SLC25A37: variants seen among roughly 807,000 people sequenced by gnomAD.
SLC25A37 encodes solute carrier family 25 member 37.
A neutral mutation model predicts 31.0 loss-of-function variants in SLC25A37; 17 were observed. The observed-to-expected ratio is 0.55, with a 90% CI of 0.38 to 0.82. The LOEUF (loss-of-function observed/expected upper bound fraction) is 0.82. Among genes scored for constraint, SLC25A37 ranks in the 40% least tolerant of loss-of-function variants. The pLI is 0.00. For missense variants in SLC25A37, 404 were observed against 465.8 expected, an observed-to-expected ratio of 0.87 and a Z score of 1.22; for synonymous variants, 222 against 193.0, an observed-to-expected ratio of 1.15 and a Z score of -1.24.
At chr8:23,555,940 A>G (rs1263519052) in intron 1 of SLC25A37, among the ~76,000 whole-genome samples, 1 of 152,256 alleles carries the variant, frequency 6.6e-6, no homozygotes, top group African/African-American at 2.4e-5. Flanking sequence ...GTTTTCCACC[A>G]GGTCTCAACT....
chr8:23,543,073 T>A (rs1056181749), intron 1 of SLC25A37: 2 of 124,926 alleles, frequency 1.6e-5, no homozygotes, highest in African/African-American at 3.7e-5. Flanking sequence ...TAATTTTATT[T>A]ATTTTTTTTT....
At chr8:23,543,805 G>A (rs1801963511) in intron 1 of SLC25A37, among the ~76,000 whole-genome samples, 1 of 151,770 alleles carries the variant, frequency 6.6e-6, no homozygotes, top group African/African-American at 2.4e-5. Flanking sequence ...CAAGATGCTG[G>A]GATTACAGGC....
chr8:23,546,528 GGTGTATATATATA>G (rs1563255829), intron 1 of SLC25A37, among the ~76,000 whole-genome samples: 6 of 78,532 alleles, frequency 7.6e-5, no homozygotes, highest in Non-Finnish European at 1.2e-4. Flanking sequence ...TATATATATA[GGTGTATATATATA>G]TATATATATA....
chr8:23,542,125 A>G (rs756347270), intron 1 of SLC25A37, among the ~76,000 whole-genome samples: 7 of 152,210 alleles, frequency 4.6e-5, no homozygotes, highest in Non-Finnish European at 8.8e-5. Flanking sequence ...TGGACTCCAT[A>G]TGTGATGAGA....
intron 1 of SLC25A37, among the ~76,000 whole-genome samples, chr8:23,535,889 A>G (rs7017185): frequency 0.053 from 8,128 of 152,238 alleles, 218 homozygotes; most frequent in South Asian, 0.072. Context: ...CCATGATTCA[A>G]TTACCTCCCA....
Position 23,529,152 on chromosome 8 carries a change from A to G in SLC25A37, c.150A>G (p.Thr50=). 6.2e-7 allele frequency: 1 copy of G among 1,611,576 alleles called. No homozygotes were observed. The highest frequency in any genetic ancestry group is 8.5e-7 in the Non-Finnish European group (1 of 1,179,162). The change falls in exon 1 of 4, where the codon ACA becomes ACG. Residue 50 remains threonine (T), a synonymous_variant. Coordinates refer to ENST00000519973, the MANE Select transcript of SLC25A37 (RefSeq NM_016612.4). The surrounding 1 kb of genome is among the most constrained non-coding windows in gnomAD (Gnocchi z 4.1). ...GCGCCTCCGTGTCCACCCACATGAC[A>G]GCAGGAGCGATGGCCGGGATCCTGG... ...PTSASVSTHM[T]AGAMAGILEH... is the part of the protein sequence containing the mutation.
chr8:23,539,411 C>A (rs185287521), intron 1 of SLC25A37, among the ~76,000 whole-genome samples: 63 of 152,260 alleles, frequency 4.1e-4, no homozygotes, highest in African/African-American at 1.5e-3. Context: ...AAAGAGAGAC[C>A]CTGGCTGATA....
At chr8:23,537,773 G>A (rs1021269426) in intron 1 of SLC25A37, among the ~76,000 whole-genome samples, 1 of 152,142 alleles carries the variant, frequency 6.6e-6, no homozygotes, top group Non-Finnish European at 1.5e-5. Context: ...GATTGGAGTG[G>A]AAGATCCAGC....
In SLC25A37 at chr8:23,529,127, G is replaced by C. The variant is rs774625163; in HGVS notation, c.125G>C (p.Ser42Thr). The change falls in exon 1 of 4, where the codon AGC becomes ACC. Residue 42 changes from serine (S) to threonine (T), a missense_variant. By Grantham distance (58) the Ser-to-Thr change is moderately conservative. Around this residue, in one of 3 missense-constraint regions of SLC25A37, gnomAD observed 154 missense variants for 153.6 expected, o/e 1.00. Transcript: ENST00000519973. This position sits in a 1 kb window ranked among gnomAD's most constrained non-coding sequence, Gnocchi z 4.1. The stretch of plus-strand genomic sequence containing the variant: ...GAGGACTACGAGAACCTGCCGACTA[G>C]CGCCTCCGTGTCCACCCACATGACA... ...GSEDYENLPT[S>T]ASVSTHMTAG... is the part of the protein sequence containing the mutation. 41 of 1,611,394 alleles carry C rather than the reference G, an allele frequency of 2.5e-5. No individual in the cohort carries two copies. Among genetic ancestry groups the C allele is most frequent in the Non-Finnish European group, 3.5e-5 (41 of 1,179,230 alleles).
rs1199921410 is a variant in SLC25A37 at position 23,572,639 on chromosome 8, T to G, written c.*784T>G. On this transcript the variant is annotated 3_prime_UTR_variant, in exon 4 of 4. Transcript: ENST00000519973. The stretch of plus-strand genomic sequence containing the variant: ...AGCTACCTTTTTTTTTCTTTTAAAT[T>G]CAATCAGCCACCTTCATGTGCCTTT... 2 of 152,266 alleles carry G rather than the reference T, an allele frequency of 1.3e-5. No individual in the cohort carries two copies. Among genetic ancestry groups the G allele is most frequent in the Non-Finnish European group, 2.9e-5 (2 of 68,024 alleles). 9.4% of individuals were successfully genotyped at this position (152,266 alleles called of 1,614,324 possible).
At position 23,528,985 on chromosome 8, in the gene SLC25A37, G is replaced by A; in HGVS notation, c.-18G>A. The A allele has an allele frequency of 3.4e-6, 5 of 1,477,016 alleles. No individual in the cohort carries two copies. The highest frequency in any genetic ancestry group is 3.6e-6 in the Non-Finnish European group (4 of 1,111,622). The allele number at this position is 1,477,016 out of a possible 1,614,324, so 91.5% of individuals were successfully genotyped here. The stretch of plus-strand genomic sequence containing the variant: ...CTGCCCACCTCCTGCAGCCTCCTGC[G>A]CCCCGCCGAGCTGGCGGATGGAGCT... On this transcript the variant is annotated 5_prime_UTR_variant, in exon 1 of 4. Transcript: ENST00000519973.
At chr8:23,562,375 C>T (rs1802539201) in intron 1 of SLC25A37, among the ~76,000 whole-genome samples, 1 of 152,234 alleles carries the variant, frequency 6.6e-6, no homozygotes, top group African/African-American at 2.4e-5. Flanking sequence ...GCAAGCACAG[C>T]TAAGTCCAAG....
chr8:23,548,878 A>G (rs1423831267), intron 1 of SLC25A37, among the ~76,000 whole-genome samples: 1 of 152,040 alleles, frequency 6.6e-6, no homozygotes, highest in Non-Finnish European at 1.5e-5. Context: ...TATGTCCTAC[A>G]CTTCGTTTCA....
At chr8:23,568,766 G>T in intron 3 of SLC25A37, 1 of 251,946 alleles carries the variant, frequency 4.0e-6, no homozygotes, top group South Asian at 4.8e-5. Flanking sequence ...AACATGGAGA[G>T]ACCCCCATCT....
chr8:23,566,062 T>C, intron 1 of SLC25A37, 46 bp from the exon 2 acceptor site: 2 of 1,532,574 alleles, frequency 1.3e-6, no homozygotes, highest in Non-Finnish European at 1.7e-6. Flanking sequence ...TTTACCATCC[T>C]GATTAACTCT....
chr8:23,566,152 A>T lies in SLC25A37; in HGVS notation c.255A>T (p.Thr85=). The T allele has an allele frequency of 3.7e-6, 6 of 1,603,742 alleles. No individual in the cohort carries two copies. The highest frequency in any genetic ancestry group is 5.1e-6 in the Non-Finnish European group (6 of 1,176,820). ...SLSPDPKAQY[T]SIYGALKKIM... Reference sequence around the variant, plus strand: ...GTCCAGATCCCAAAGCCCAGTACACAAGTATCTACGGAGCCCTCAAGAAAA... The same window carrying T: ...GTCCAGATCCCAAAGCCCAGTACACTAGTATCTACGGAGCCCTCAAGAAAA... The change falls in exon 2 of 4, where the codon ACA becomes ACT. Residue 85 remains threonine, a synonymous_variant. Transcript: ENST00000519973.
At position 23,546,556 on chromosome 8, in the gene SLC25A37, GTATATATA is replaced by G. The variant is rs56169952; in HGVS notation, c.210+17363_210+17370del. ...GTATATATATATATATATATATAGTGTATATATATATATATATATATATATAGTGTATA... is the reference window on the plus strand; with the variant it reads ...GTATATATATATATATATATATAGTGTATATATATATATATATAGTGTATA... On this transcript the variant is annotated intron_variant, in intron 1 of 3. Transcript: ENST00000519973. 7.0e-5 allele frequency among the ~76,000 whole-genome samples: 3 copies of G among 42,590 alleles called. 1 individual carries two copies. The South Asian group carries it at 2.7e-3, about 38-fold the overall frequency. 27.9% of individuals were successfully genotyped at this position (42,590 alleles called of 152,430 possible).
intron 1 of SLC25A37, among the ~76,000 whole-genome samples, chr8:23,556,566 GTATGTATA>G (rs928519970): frequency 1.2e-4 from 18 of 151,922 alleles, no homozygotes; most frequent in African/African-American, 4.1e-4. Context: ...ATATGTATAT[GTATGTATA>G]TACATATGTA....
intron 1 of SLC25A37, among the ~76,000 whole-genome samples, chr8:23,536,371 G>T (rs1801768622): frequency 6.6e-6 from 1 of 151,976 alleles, no homozygotes; most frequent in South Asian, 2.1e-4. Context: ...CCTGGCTTTT[G>T]CACTGCCCAG....
Sources: allele counts gnomAD v4.1 joint callset (sites outside exome capture counted in the v4.1 genomes callset), GRCh38; gene constraint gnomAD v4.1.1; regional missense constraint gnomAD v4.1.1; non-coding constraint Gnocchi (gnomAD v3.1); transcripts MANE v1.5; gene names NCBI Gene and HGNC (gene_info 2026-07-23, HGNC 2026-07-21).